The following PPTC7 variants were observed in gnomAD, a reference collection of about 807,000 sequenced individuals.
The protein encoded by PPTC7 is protein phosphatase targeting COQ7, also known as protein phosphatase PTC7 homolog.
Under a neutral mutation model 30.8 loss-of-function variants are expected in PPTC7, and 6 were observed. The observed-to-expected ratio is 0.19, with a 90% CI of 0.11 to 0.38. The LOEUF (loss-of-function observed/expected upper bound fraction) is 0.38. PPTC7 is among the 10% of genes least tolerant of loss of function. The pLI is 1.00. For synonymous variants in PPTC7, 163 were observed against 168.1 expected (o/e 0.97, Z 0.23); for missense variants, 218 against 404.8 (o/e 0.54, Z 3.96).
intron 1 of PPTC7, among the ~76,000 whole-genome samples, chr12:110,564,789 T>TTA (rs762302882): frequency 6.9e-5 from 10 of 145,776 alleles, no homozygotes; most frequent in South Asian, 4.2e-4. Context: ...TACATACACG[T>TTA]TATATATATA....
chr12:110,582,777 G>A (rs767618241), intron 1 of PPTC7, 32 bp downstream of exon 1: 44 of 1,511,350 alleles, frequency 2.9e-5, no homozygotes, highest in Non-Finnish European at 3.7e-5. Flanking sequence ...CGGATCCGAG[G>A]CTGGGGCAAG....
chr12:110,569,991 T>C (rs1001277437), intron 1 of PPTC7, among the ~76,000 whole-genome samples: 1 of 152,122 alleles, frequency 6.6e-6, no homozygotes, highest in Non-Finnish European at 1.5e-5. Flanking sequence ...AAGCACAAGA[T>C]CCTGGAACAA....
At chr12:110,580,376 T>C (rs2064626534) in intron 1 of PPTC7, among the ~76,000 whole-genome samples, 1 of 152,250 alleles carries the variant, frequency 6.6e-6, no homozygotes, top group Non-Finnish European at 1.5e-5. Flanking sequence ...TCTTGCTCTG[T>C]TACCCAGGCT....
chr12:110,573,784 C>A (rs2064560598), intron 1 of PPTC7, among the ~76,000 whole-genome samples: 1 of 151,990 alleles, frequency 6.6e-6, no homozygotes. Context: ...GAGTTCAAGA[C>A]CAGCCTGACC....
chr12:110,563,581 C>T (rs1049161788), intron 1 of PPTC7, among the ~76,000 whole-genome samples: 7 of 151,580 alleles, frequency 4.6e-5, no homozygotes, highest in Non-Finnish European at 7.4e-5. Flanking sequence ...CGCCACTGCA[C>T]GCCAGCCTGG....
At chr12:110,537,354 C>A (rs2064226493) in intron 5 of PPTC7, among the ~76,000 whole-genome samples, 2 of 151,938 alleles carry the variant, frequency 1.3e-5, no homozygotes, top group Non-Finnish European at 2.9e-5. Flanking sequence ...TTCAAACAGC[C>A]ACCACACCCT....
intron 1 of PPTC7, among the ~76,000 whole-genome samples, chr12:110,563,165 G>C (rs1189863307): frequency 8.7e-6 from 1 of 114,712 alleles, no homozygotes; most frequent in Non-Finnish European, 1.9e-5. Flanking sequence ...GAAGAAAAAA[G>C]AAGTTTCCAT....
intron 1 of PPTC7, among the ~76,000 whole-genome samples, chr12:110,563,474 G>T (rs986453983): frequency 6.6e-6 from 1 of 152,130 alleles, no homozygotes; most frequent in African/African-American, 2.4e-5. Flanking sequence ...AATTAGCCAG[G>T]CGTGGTAGCA....
chr12:110,553,026 AC>A (rs1456234406), intron 1 of PPTC7, among the ~76,000 whole-genome samples: 1 of 151,972 alleles, frequency 6.6e-6, no homozygotes, highest in African/African-American at 2.4e-5. Flanking sequence ...TACTAAAAAT[AC>A]AAAAAATTAG....
intron 1 of PPTC7, among the ~76,000 whole-genome samples, chr12:110,570,248 G>T (rs1261939027): frequency 7.1e-6 from 1 of 140,356 alleles, no homozygotes; most frequent in African/African-American, 2.8e-5. Context: ...GATGTGCTTT[G>T]TTAAACAGAT....
At position 110,541,254 on chromosome 12, in the gene PPTC7, C is replaced by G. The variant is rs190903707; in HGVS notation, c.603-1309G>C. On this transcript the variant is annotated intron_variant, in intron 3 of 5. Transcript: ENST00000354300. Reference sequence around the variant, plus strand: ...AAAATTAGCCAGGCGTGGTGGCACACGCTTGTGATCCCAGCTATTCAGGAG... The same window carrying G: ...AAAATTAGCCAGGCGTGGTGGCACAGGCTTGTGATCCCAGCTATTCAGGAG... 2.0e-5 allele frequency among the ~76,000 whole-genome samples: 3 copies of G among 151,838 alleles called. No individual in the cohort carries two copies. In the South Asian group the frequency reaches 6.2e-4, roughly 32 times the overall value.
intron 1 of PPTC7, among the ~76,000 whole-genome samples, chr12:110,554,955 T>C (rs924888100): frequency 6.6e-6 from 1 of 152,212 alleles, no homozygotes; most frequent in African/African-American, 2.4e-5. Context: ...GCATGTATCA[T>C]ATGATTTTTT....
chr12:110,554,959 A>AT (rs2064374838), intron 1 of PPTC7, among the ~76,000 whole-genome samples: 1 of 152,166 alleles, frequency 6.6e-6, no homozygotes, highest in African/African-American at 2.4e-5. Context: ...GTATCATATG[A>AT]TTTTTTAAAA....
chr12:110,583,190 C>T lies in PPTC7; in HGVS notation c.-159G>A. The stretch of plus-strand genomic sequence containing the variant: ...GCCGCCCCTGCCCGACGCGCGGGGC[C>T]TCGCACGCGCTCAGCCGCGCGCACC... On this transcript the variant is annotated 5_prime_UTR_variant, in exon 1 of 6. Coordinates refer to ENST00000354300, the MANE Select transcript of PPTC7 (RefSeq NM_139283.2). The T allele has an allele frequency of 3.6e-6, 1 of 279,344 alleles. No homozygotes were observed. The highest frequency in any genetic ancestry group is 6.0e-6 in the Non-Finnish European group (1 of 167,782). 17.3% of individuals were successfully genotyped at this position (279,344 alleles called of 1,614,324 possible). A position where few individuals can be genotyped will look rare whatever the true frequency, so the allele number is the denominator to read the frequency against.
rs567625310 is a variant in PPTC7, at chr12:110,556,632, T to C, written c.224-4664A>G. On this transcript the variant is annotated intron_variant, in intron 1 of 5. Coordinates refer to ENST00000354300, the MANE Select transcript of PPTC7 (RefSeq NM_139283.2). ...GAGAAATTGCTTAAGATCCCAAAGA[T>C]GTCAGGAACACAACTATCAAACAGC... is the stretch of plus-strand genomic sequence containing the variant. Among the ~76,000 whole-genome samples, 36 of 152,300 alleles carry C rather than the reference T, an allele frequency of 2.4e-4. 1 individual carries two copies. The East Asian group carries it at 6.9e-3, about 29-fold the overall frequency.
At chr12:110,555,671 G>A (rs1360498878) in intron 1 of PPTC7, among the ~76,000 whole-genome samples, 1 of 152,204 alleles carries the variant, frequency 6.6e-6, no homozygotes, top group Non-Finnish European at 1.5e-5. Context: ...AACAGAACAC[G>A]TGGATTGAGG....
At chr12:110,562,786 C>T (rs2064449077) in intron 1 of PPTC7, among the ~76,000 whole-genome samples, 1 of 147,552 alleles carries the variant, frequency 6.8e-6, no homozygotes, top group African/African-American at 2.5e-5. Context: ...AAGCGAGACT[C>T]TGTCTCAAAA....
Position 110,551,897 on chromosome 12 carries a change from G to A in PPTC7, c.295C>T (p.Arg99Trp), listed in dbSNP as rs375709891. 5 of 1,613,702 alleles carry A rather than the reference G, an allele frequency of 3.1e-6. No individual in the cohort carries two copies. Among genetic ancestry groups the A allele is most frequent in the African/African-American group, 1.3e-5 (1 of 74,882 alleles). The change falls in exon 2 of 6, where the codon CGG becomes TGG. Residue 99 changes from arginine (R) to tryptophan (W), a missense_variant. Arg to Trp is a moderately radical substitution (Grantham distance 101, BLOSUM62 -3). Transcript: ENST00000354300. Reference protein sequence around the residue: ...DPSQFSGTLMRTCERLVKEGR... With the variant: ...DPSQFSGTLMWTCERLVKEGR... ...TCTTTTACTAAACGTTCACACGTCC[G>A]CATTAAAGTCCCTGAGAATTGAGAT...
chr12:110,555,704 G>A (rs574953265), intron 1 of PPTC7, among the ~76,000 whole-genome samples: 90 of 152,034 alleles, frequency 5.9e-4, no homozygotes, highest in Non-Finnish European at 1.1e-3. Context: ...AGAAGCAACC[G>A]GGCTAACTAG....
Sources: allele counts gnomAD v4.1 joint callset (sites outside exome capture counted in the v4.1 genomes callset), GRCh38; gene constraint gnomAD v4.1.1; transcripts MANE v1.5; gene names NCBI Gene and HGNC (gene_info 2026-07-23, HGNC 2026-07-21).